Variants in EML6 observed in about 807,000 individuals in gnomAD.
EML6 encodes echinoderm microtubule-associated protein-like 6.
A neutral mutation model predicts 240.1 loss-of-function variants in EML6; 154 were observed. The observed-to-expected ratio is 0.64, with a 90% confidence interval of 0.56 to 0.73. The LOEUF (loss-of-function observed/expected upper bound fraction) is 0.73. EML6 is among the 30% of genes least tolerant of loss of function. The probability of loss-of-function intolerance (pLI) is 0.00; values close to 1 mark genes in which losing one functional copy is unlikely to be tolerated. For synonymous variants in EML6, 1,148 were observed against 899.0 expected (o/e 1.28, Z -4.95); for missense variants, 2,964 against 2,474.6 (o/e 1.20, Z -4.20).
chr2:54,872,495 G>T (rs560332842), intron 16 of EML6, among the ~76,000 whole-genome samples: 2 of 152,080 alleles, frequency 1.3e-5, no homozygotes, highest in African/African-American at 2.4e-5. Context: ...AGTCATGCTG[G>T]TCTCTAATTC....
At chr2:54,736,769 C>T (rs1683414541) in intron 2 of EML6, among the ~76,000 whole-genome samples, 1 of 152,162 alleles carries the variant, frequency 6.6e-6, no homozygotes, top group South Asian at 2.1e-4. Flanking sequence ...CCTCCCCTGC[C>T]CTTTGCCTCC....
At chr2:54,870,790 G>A (rs1219542728) in intron 15 of EML6, among the ~76,000 whole-genome samples, 1 of 152,182 alleles carries the variant, frequency 6.6e-6, no homozygotes, top group East Asian at 1.9e-4. Flanking sequence ...GCCACCTGCA[G>A]GAGACTGGGC....
chr2:54,740,863 G>A (rs112578351), intron 2 of EML6, among the ~76,000 whole-genome samples: 3,025 of 152,200 alleles, frequency 0.02, 116 homozygotes, highest in African/African-American at 0.069. Flanking sequence ...TACTGATAAT[G>A]ACTTTGCAGG....
At chr2:54,880,927 G>A (rs746851511) in intron 17 of EML6, 3 of 152,084 alleles carry the variant, frequency 2.0e-5, no homozygotes, top group Non-Finnish European at 2.9e-5. Flanking sequence ...TTTTATGCCC[G>A]AAACATTAAT....
At chr2:54,902,689 G>T (rs1217141956) in intron 22 of EML6, among the ~76,000 whole-genome samples, 1 of 152,198 alleles carries the variant, frequency 6.6e-6, no homozygotes, top group Non-Finnish European at 1.5e-5. Context: ...ATAAGCCACT[G>T]CACCTAGCTT....
rs188690198 is a variant in EML6 at position 54,852,826 on chromosome 2, A to C, written c.1445-817A>C. Among the ~76,000 whole-genome samples the C allele has an allele frequency of 5.9e-5, 9 of 152,316 alleles. No individual in the cohort carries two copies. The East Asian group carries it at 1.2e-3, about 20-fold the overall frequency. Reference sequence around the variant, plus strand: ...TTAGGTAATATGCTTAAATGTCTTGATTTTGAATTTTAAAATTGTGTGTGG... The same window carrying C: ...TTAGGTAATATGCTTAAATGTCTTGCTTTTGAATTTTAAAATTGTGTGTGG... On this transcript the variant is annotated intron_variant, in intron 10 of 41. Coordinates refer to ENST00000356458, the MANE Select transcript of EML6 (RefSeq NM_001039753.4).
At chr2:54,795,883 C>T (rs1056691848) in intron 2 of EML6, among the ~76,000 whole-genome samples, 1 of 152,108 alleles carries the variant, frequency 6.6e-6, no homozygotes, top group Non-Finnish European at 1.5e-5. Context: ...GGTACTCATT[C>T]AGCTTAAAAA....
At chr2:54,810,352 C>G (rs948809438) in intron 2 of EML6, among the ~76,000 whole-genome samples, 18 of 152,162 alleles carry the variant, frequency 1.2e-4, no homozygotes, top group African/African-American at 4.1e-4. Context: ...TATTGAGTAA[C>G]TAAGGCTCGT....
intron 2 of EML6, among the ~76,000 whole-genome samples, chr2:54,794,140 C>A (rs977709384): frequency 1.3e-5 from 2 of 152,126 alleles, no homozygotes; most frequent in Admixed American, 6.5e-5. Context: ...ATCCCCATTT[C>A]GGACAAATAT....
At chr2:54,944,824 A>G (rs886362372) in intron 28 of EML6, among the ~76,000 whole-genome samples, 2 of 152,050 alleles carry the variant, frequency 1.3e-5, no homozygotes, top group African/African-American at 2.4e-5. Flanking sequence ...TCCAGTTCTT[A>G]GGAATACTGT....
At position 54,952,681 on chromosome 2, in the gene EML6, C is replaced by G; in HGVS notation, c.4301C>G (p.Thr1434Ser). The stretch of plus-strand genomic sequence containing the variant: ...CCCAAGTACAGAAACGTGGTGGCCA[C>G]CAGCCAGATAGGTAGGAGGTCCTGT... ...QHPKYRNVVATSQIGTTPSIH... is the reference protein window; with the variant it reads ...QHPKYRNVVASSQIGTTPSIH... Residue 1434 changes from threonine to serine, a missense_variant, in exon 31 of 42, where the codon ACC becomes AGC. Thr to Ser is a moderately conservative substitution (Grantham distance 58, BLOSUM62 1). Transcript: ENST00000356458. The G allele has an allele frequency of 6.4e-7, 1 of 1,550,546 alleles. No individual in the cohort carries two copies. Among genetic ancestry groups the G allele is most frequent in the South Asian group, 1.2e-5 (1 of 84,012 alleles).
chr2:54,893,496 T>C (rs1405355420), intron 19 of EML6, among the ~76,000 whole-genome samples: 1 of 152,158 alleles, frequency 6.6e-6, no homozygotes, highest in African/African-American at 2.4e-5. Flanking sequence ...CATGGTCTAG[T>C]CAACTCTGAA....
intron 28 of EML6, among the ~76,000 whole-genome samples, chr2:54,945,055 C>A: frequency 7.8e-6 from 1 of 127,666 alleles, no homozygotes; most frequent in South Asian, 3.0e-4. Context: ...TTCCCTCCTC[C>A]CTCTCTGCCT....
At chr2:54,878,462 C>T (rs1393353157) in intron 16 of EML6, among the ~76,000 whole-genome samples, 1 of 152,194 alleles carries the variant, frequency 6.6e-6, no homozygotes, top group Non-Finnish European at 1.5e-5. Context: ...TGAATCTAGC[C>T]TTGCAGGAAG....
At chr2:54,827,362 G>A (rs528079137) in intron 5 of EML6, among the ~76,000 whole-genome samples, 3 of 152,118 alleles carry the variant, frequency 2.0e-5, no homozygotes, top group African/African-American at 7.2e-5. Flanking sequence ...TAAAAGTGTT[G>A]TTATAGGCTT....
In EML6 at chr2:54,928,838, A is replaced by G. The variant is rs1200644894; in HGVS notation, c.4004+87A>G. 7 of 1,475,120 alleles carry G rather than the reference A, an allele frequency of 4.7e-6. No individual in the cohort carries two copies. In the East Asian group the frequency reaches 1.7e-4, roughly 36 times the overall value. 91.4% of individuals were successfully genotyped at this position (1,475,120 alleles called of 1,614,324 possible). On this transcript the variant is annotated intron_variant, in intron 28 of 41. Coordinates refer to ENST00000356458, the MANE Select transcript of EML6 (RefSeq NM_001039753.4). ...CAGAGTGCGTTTTCTTTGCCCTCAA[A>G]GTTGCTGTTTAAGTCAGTCTTTTAT...
At chr2:54,736,117 C>T (rs977478304) in intron 2 of EML6, among the ~76,000 whole-genome samples, 4 of 152,022 alleles carry the variant, frequency 2.6e-5, no homozygotes, top group Non-Finnish European at 4.4e-5. Flanking sequence ...GAGGAGGGTA[C>T]GGTGGGAGAT....
At chr2:54,969,089 G>C (rs1477287904) in intron 41 of EML6, among the ~76,000 whole-genome samples, 1 of 152,140 alleles carries the variant, frequency 6.6e-6, no homozygotes, top group Non-Finnish European at 1.5e-5. Context: ...GAAGCTCTTG[G>C]CAGCCCATGG....
Position 54,844,048 on chromosome 2 carries a change from CCT to C in EML6, c.854_855del (p.Ser285TyrfsTer19). 2.0e-6 allele frequency: 3 copies of C among 1,521,348 alleles called. No homozygotes were observed. Among genetic ancestry groups the C allele is most frequent in the Non-Finnish European group, 2.7e-6 (3 of 1,130,050 alleles). 94.2% of individuals were successfully genotyped at this position (1,521,348 alleles called of 1,614,324 possible). A position where few individuals can be genotyped will look rare whatever the true frequency, so the allele number is the denominator to read the frequency against. On this transcript the variant is annotated frameshift_variant and splice_region_variant, in exon 8 of 42. Coordinates refer to ENST00000356458, the MANE Select transcript of EML6 (RefSeq NM_001039753.4). LOFTEE classifies it high-confidence loss of function. Reference protein sequence around the residue: ...LRETEQGYKGLSIRSVCWKAD... With the variant: ...LRETEQGYKGXSIRSVCWKAD... ...TTTTGTTTTACTTATTTTTGTCAGG[CCT>C]CTCTATCCGGAGCGTGTGCTGGAAA...
Sources: gnomAD v4.1 joint callset for allele counts (sites outside exome capture counted in the v4.1 genomes callset) on GRCh38, gnomAD v4.1.1 for gene constraint, MANE v1.5 for transcripts, NCBI Gene and HGNC (gene_info 2026-07-23, HGNC 2026-07-21) for gene names.